Variants in ZBTB20 observed in about 807,000 individuals in gnomAD.
ZBTB20 encodes zinc finger and BTB domain containing 20.
In ZBTB20, 9 loss-of-function variants were observed where a neutral mutation model predicts 56.9. The ratio of observed to expected loss-of-function variants is 0.16; its 90% CI spans 0.10 to 0.28. The LOEUF is 0.28. Ranked by LOEUF, ZBTB20 falls within the 10% of genes least tolerant of loss-of-function variation. The pLI is 1.00. For missense variants in ZBTB20, 655 were observed against 1,003.0 expected, an observed-to-expected ratio of 0.65 and a Z score of 4.69; for synonymous variants, 417 against 420.7, an observed-to-expected ratio of 0.99 and a Z score of 0.11.
intron 7 of ZBTB20, among the ~76,000 whole-genome samples, chr3:114,431,790 A>C (rs987388360): frequency 5.4e-4 from 82 of 152,208 alleles, no homozygotes; most frequent in African/African-American, 1.9e-3. Context: ...CAGCATTGAC[A>C]GCTACTGCAG....
chr3:114,697,446 G>T (rs578097698), intron 5 of ZBTB20, among the ~76,000 whole-genome samples: 1 of 151,928 alleles, frequency 6.6e-6, no homozygotes, highest in Non-Finnish European at 1.5e-5. Context: ...GCAGCCTAGG[G>T]CAACTAGAAA....
intron 7 of ZBTB20, among the ~76,000 whole-genome samples, chr3:114,484,007 T>G (rs1186425291): frequency 6.6e-6 from 1 of 152,074 alleles, no homozygotes; most frequent in Non-Finnish European, 1.5e-5. Flanking sequence ...TGCTTACTCT[T>G]TGCACAAATG....
chr3:114,955,795 A>C (rs1281396715), intron 3 of ZBTB20, among the ~76,000 whole-genome samples: 1 of 152,204 alleles, frequency 6.6e-6, no homozygotes, highest in Non-Finnish European at 1.5e-5. Context: ...AAACAAAAAA[A>C]TGGAGGTGGG....
At chr3:114,648,350 A>G (rs1347812596) in intron 6 of ZBTB20, among the ~76,000 whole-genome samples, 1 of 151,924 alleles carries the variant, frequency 6.6e-6, no homozygotes, top group Non-Finnish European at 1.5e-5. Context: ...ACATTCTTAA[A>G]ATTAATAATT....
chr3:114,923,032 A>G (rs2076018796), intron 3 of ZBTB20, among the ~76,000 whole-genome samples: 1 of 152,230 alleles, frequency 6.6e-6, no homozygotes, highest in African/African-American at 2.4e-5. Flanking sequence ...AAGTTGATGA[A>G]GAATTGGTAC....
chr3:115,061,503 T>C (rs2082010602), intron 2 of ZBTB20, among the ~76,000 whole-genome samples: 1 of 152,190 alleles, frequency 6.6e-6, no homozygotes, highest in Non-Finnish European at 1.5e-5. Context: ...AATTTATTGA[T>C]TTCCATTCAT....
At chr3:115,133,700 T>C (rs1297060794) in intron 1 of ZBTB20, among the ~76,000 whole-genome samples, 1 of 152,228 alleles carries the variant, frequency 6.6e-6, no homozygotes, top group African/African-American at 2.4e-5. Context: ...ATAGTATGTA[T>C]CAGTACTTCA....
chr3:115,020,746 TAC>T (rs939153558), intron 2 of ZBTB20, among the ~76,000 whole-genome samples: 4 of 150,990 alleles, frequency 2.6e-5, no homozygotes, highest in African/African-American at 9.7e-5. Context: ...ATATACTCTA[TAC>T]ACACACACAT....
intron 5 of ZBTB20, among the ~76,000 whole-genome samples, chr3:114,726,646 C>T (rs927919591): frequency 2.0e-5 from 3 of 152,110 alleles, no homozygotes; most frequent in African/African-American, 7.2e-5. Context: ...GGCGCGGTGG[C>T]TCATGCCTGT....
rs747399622 is a variant in ZBTB20 at position 114,339,446 on chromosome 3, C to T, written c.1805-20G>A. The T allele has an allele frequency of 5.0e-6, 8 of 1,609,050 alleles. No individual in the cohort carries two copies. Among genetic ancestry groups the T allele is most frequent in the Non-Finnish European group, 6.8e-6 (8 of 1,177,006 alleles). ...TCTCACCTGTTGATGTAGGAAGAGA[C>T]AGCAAGCAGGACAGAGCGAGACATA... On this transcript the variant is annotated intron_variant, in intron 11 of 11. Coordinates refer to ENST00000675478, the MANE Select transcript of ZBTB20 (RefSeq NM_001348800.3). The surrounding 1 kb of genome is among the most constrained non-coding windows in gnomAD (Gnocchi z 4.2).
At chr3:114,632,074 T>G (rs1212897379) in intron 6 of ZBTB20, among the ~76,000 whole-genome samples, 1 of 152,214 alleles carries the variant, frequency 6.6e-6, no homozygotes, top group African/African-American at 2.4e-5. Context: ...ACAGAACATC[T>G]TTCTCACCAT....
intron 5 of ZBTB20, among the ~76,000 whole-genome samples, chr3:114,733,595 C>T (rs967279727): frequency 4.6e-5 from 7 of 152,162 alleles, no homozygotes; most frequent in African/African-American, 1.4e-4. Context: ...CACTTTTCTA[C>T]CTCTTTTCTA....
intron 2 of ZBTB20, among the ~76,000 whole-genome samples, chr3:114,992,384 CAG>C (rs2078854360): frequency 6.6e-6 from 1 of 151,936 alleles, no homozygotes; most frequent in Non-Finnish European, 1.5e-5. Flanking sequence ...AAAGTCAAGA[CAG>C]GGAGATTCAG....
intron 5 of ZBTB20, among the ~76,000 whole-genome samples, chr3:114,756,265 C>T (rs2068004793): frequency 6.6e-6 from 1 of 152,108 alleles, no homozygotes; most frequent in African/African-American, 2.4e-5. Context: ...TGACATATTT[C>T]ATTATTCTTT....
intron 5 of ZBTB20, among the ~76,000 whole-genome samples, chr3:114,707,620 G>A (rs2063791334): frequency 6.6e-6 from 1 of 152,206 alleles, no homozygotes; most frequent in Non-Finnish European, 1.5e-5. Context: ...CCTGACCTAT[G>A]AGTGTCCCCT....
intron 4 of ZBTB20, among the ~76,000 whole-genome samples, chr3:114,865,349 T>G (rs1228104204): frequency 1.3e-5 from 2 of 152,182 alleles, no homozygotes; most frequent in Non-Finnish European, 2.9e-5. Flanking sequence ...GGTTGACAGA[T>G]GAGAACCCAC....
chr3:114,611,849 C>T (rs1295474946), intron 6 of ZBTB20, among the ~76,000 whole-genome samples: 2 of 138,278 alleles, frequency 1.4e-5, no homozygotes, highest in African/African-American at 5.6e-5. Flanking sequence ...ACATGCCTTT[C>T]ATTATTTTTG....
At chr3:114,739,055 C>G (rs1578624521) in intron 5 of ZBTB20, among the ~76,000 whole-genome samples, 1 of 152,086 alleles carries the variant, frequency 6.6e-6, no homozygotes, top group Non-Finnish European at 1.5e-5. Context: ...CAGGTGTGAG[C>G]CATCATGCCT....
In ZBTB20 at chr3:114,961,296, A is replaced by G. The variant is rs930448917; in HGVS notation, c.-456+13070T>C. 2.0e-5 allele frequency among the ~76,000 whole-genome samples: 3 copies of G among 152,152 alleles called. No homozygotes were observed. In the East Asian group the frequency reaches 5.8e-4, roughly 29 times the overall value. ...ACTTAGAACTATCCTCCTTCAATAC[A>G]AAAAATAAAAGGCATCTGGTTTGCA... is the stretch of plus-strand genomic sequence containing the variant. On this transcript the variant is annotated intron_variant, in intron 3 of 11. Coordinates refer to ENST00000675478, the MANE Select transcript of ZBTB20 (RefSeq NM_001348800.3).
Sources: allele counts gnomAD v4.1 joint callset (sites outside exome capture counted in the v4.1 genomes callset), GRCh38; gene constraint gnomAD v4.1.1; non-coding constraint Gnocchi (gnomAD v3.1); transcripts MANE v1.5; gene names NCBI Gene and HGNC (gene_info 2026-07-23, HGNC 2026-07-21).